The following GREB1L variants were observed in gnomAD, a reference collection of about 807,000 sequenced individuals.
The protein encoded by GREB1L is GREB1-like protein.
A neutral mutation model predicts 200.8 loss-of-function variants in GREB1L; 17 were observed. That is an observed-to-expected ratio of 0.08 (90% CI 0.06 to 0.13). The LOEUF (loss-of-function observed/expected upper bound fraction) is 0.13, where lower values mean the gene tolerates loss of function less well. Ranked by LOEUF, GREB1L falls within the 10% of genes least tolerant of loss-of-function variation. The probability of loss-of-function intolerance (pLI) is 1.00; values close to 1 mark genes in which losing one functional copy is unlikely to be tolerated. For missense variants in GREB1L, 1,657 were observed against 2,367.7 expected, an observed-to-expected ratio of 0.70 and a Z score of 6.23; for synonymous variants, 789 against 893.0, an observed-to-expected ratio of 0.88 and a Z score of 2.08.
intron 25 of GREB1L, 25 bp downstream of exon 25, chr18:21,505,974 C>T: frequency 6.5e-7 from 1 of 1,542,620 alleles, no homozygotes; most frequent in Non-Finnish European, 8.8e-7. Flanking sequence ...TCGCCCTCGC[C>T]CTCTGTCACC....
At chr18:21,333,273 T>C (rs1287534471) in intron 1 of GREB1L, among the ~76,000 whole-genome samples, 2 of 152,210 alleles carry the variant, frequency 1.3e-5, no homozygotes, top group African/African-American at 2.4e-5. Flanking sequence ...TATTAACTAT[T>C]AATTGTATAG....
chr18:21,445,481 A>T (rs527640700), intron 11 of GREB1L, among the ~76,000 whole-genome samples: 1 of 151,846 alleles, frequency 6.6e-6, no homozygotes, highest in East Asian at 1.9e-4. Context: ...TCTCAAAAAA[A>T]AAGAAAAGAA....
At chr18:21,312,907 C>T (rs1157667222) in intron 1 of GREB1L, among the ~76,000 whole-genome samples, 1 of 152,102 alleles carries the variant, frequency 6.6e-6, no homozygotes, top group Admixed American at 6.5e-5. Flanking sequence ...TTTTGATTTG[C>T]ATTTTTCTAA....
intron 28 of GREB1L, among the ~76,000 whole-genome samples, chr18:21,514,379 G>A (rs1475976058): frequency 2.0e-5 from 3 of 152,212 alleles, no homozygotes; most frequent in Non-Finnish European, 4.4e-5. Context: ...GCTGAGCGTG[G>A]TGGCGCATGC....
At chr18:21,384,819 A>G (rs990445197) in intron 4 of GREB1L, among the ~76,000 whole-genome samples, 2 of 119,210 alleles carry the variant, frequency 1.7e-5, no homozygotes, top group Non-Finnish European at 3.3e-5. Context: ...AATCAGAGAG[A>G]TATTAGAGAT....
chr18:21,520,162 A>T (rs983940613), intron 31 of GREB1L, among the ~76,000 whole-genome samples: 2 of 152,144 alleles, frequency 1.3e-5, no homozygotes, highest in Non-Finnish European at 2.9e-5. Context: ...ACTGCTCTCC[A>T]ACTCCTGACC....
rs755637189 is a variant in GREB1L at position 21,440,339 on chromosome 18, A to G, written c.1020A>G (p.Gln340=). 5.2e-6 allele frequency: 8 copies of G among 1,551,658 alleles called. No individual in the cohort carries two copies. In the East Asian group the frequency reaches 7.3e-5, roughly 14 times the overall value. The part of the protein sequence containing the change: ...RGWYPGSPLP[Q]PGLVVPVPTV... ...GGTATCCTGGGTCACCTCTCCCCCA[A>G]CCTGGCTTAGTTGTACCTGTCCCTA... Residue 340 remains glutamine, a synonymous_variant, in exon 9 of 33, where the codon CAA becomes CAG. Transcript: ENST00000424526.
At chr18:21,439,681 T>C (rs1218169298) in intron 8 of GREB1L, 44 bp downstream of exon 8, 1 of 1,172,136 alleles carries the variant, frequency 8.5e-7, no homozygotes, top group South Asian at 1.3e-5. Flanking sequence ...CACTTACCAG[T>C]GGTTACAAGT....
Position 21,505,582 on chromosome 18 carries a change from C to T in GREB1L, c.4228+15C>T, listed in dbSNP as rs2036979515. The T allele has an allele frequency of 1.3e-6, 2 of 1,550,806 alleles. No individual in the cohort carries two copies. The highest frequency in any genetic ancestry group is 1.7e-4 in the Middle Eastern group (1 of 5,896). Reference sequence around the variant, plus strand: ...GGTCAAACAAGGTCAGTGCAATCAGCCAAGTTCACCTCCTCTCTGGGTTAA... The same window carrying T: ...GGTCAAACAAGGTCAGTGCAATCAGTCAAGTTCACCTCCTCTCTGGGTTAA... On this transcript the variant is annotated intron_variant, in intron 24 of 32. Coordinates refer to ENST00000424526, the MANE Select transcript of GREB1L (RefSeq NM_001142966.3).
chr18:21,411,879 A>G (rs2031065985), intron 7 of GREB1L, among the ~76,000 whole-genome samples: 2 of 151,294 alleles, frequency 1.3e-5, no homozygotes. Context: ...CCCCGTCTCT[A>G]CTAAAAATAC....
intron 1 of GREB1L, among the ~76,000 whole-genome samples, chr18:21,252,282 G>GT (rs1173710000): frequency 6.6e-6 from 1 of 152,162 alleles, no homozygotes; most frequent in African/African-American, 2.4e-5. Flanking sequence ...ATTAGTCCGG[G>GT]TGCAGTGGCT....
At chr18:21,267,522 C>T in intron 1 of GREB1L, among the ~76,000 whole-genome samples, 1 of 152,072 alleles carries the variant, frequency 6.6e-6, no homozygotes, top group Non-Finnish European at 1.5e-5. Flanking sequence ...AGAAACCCCA[C>T]CTCCCCATTA....
chr18:21,394,028 G>A (rs1266170682), intron 4 of GREB1L, among the ~76,000 whole-genome samples: 1 of 152,220 alleles, frequency 6.6e-6, no homozygotes, highest in Non-Finnish European at 1.5e-5. Flanking sequence ...GAGGGATCCA[G>A]ATACTGCCAG....
At chr18:21,502,402 G>A (rs1482927097) in intron 23 of GREB1L, among the ~76,000 whole-genome samples, 2 of 152,240 alleles carry the variant, frequency 1.3e-5, no homozygotes, top group East Asian at 1.9e-4. Flanking sequence ...GATGAGTCTG[G>A]AATAGGGAAA....
chr18:21,280,894 A>G (rs1049196989), intron 1 of GREB1L, among the ~76,000 whole-genome samples: 3 of 152,190 alleles, frequency 2.0e-5, no homozygotes, highest in African/African-American at 7.2e-5. Flanking sequence ...GACTGGTTAG[A>G]TTCTACAGAG....
intron 25 of GREB1L, 106 bp downstream of exon 25, chr18:21,506,055 G>A (rs2037002875): frequency 8.4e-7 from 1 of 1,190,410 alleles, no homozygotes. Context: ...TCAGGCCTCT[G>A]GTAAAGGATA....
At chr18:21,394,331 T>A (rs748656466) in intron 4 of GREB1L, among the ~76,000 whole-genome samples, 1 of 152,220 alleles carries the variant, frequency 6.6e-6, no homozygotes, top group Admixed American at 6.5e-5. Context: ...ACAGACGGAA[T>A]CATTCCCCAG....
intron 21 of GREB1L, among the ~76,000 whole-genome samples, chr18:21,497,161 T>G (rs948816994): frequency 4.6e-5 from 7 of 152,218 alleles, no homozygotes; most frequent in Non-Finnish European, 1.5e-5. Flanking sequence ...CATTGTATGC[T>G]GAGGGCTCCT....
chr18:21,380,370 T>G (rs928048777), intron 2 of GREB1L: 4 of 152,216 alleles, frequency 2.6e-5, no homozygotes, highest in Non-Finnish European at 5.9e-5. Flanking sequence ...TGATGAACAC[T>G]GATGCATCCT....
Sources: allele counts gnomAD v4.1 joint callset (sites outside exome capture counted in the v4.1 genomes callset), GRCh38; gene constraint gnomAD v4.1.1; transcripts MANE v1.5; gene names NCBI Gene and HGNC (gene_info 2026-07-23, HGNC 2026-07-21).